Variants in ACAP2 observed in about 807,000 individuals in gnomAD.
The protein encoded by ACAP2 is ArfGAP with coiled-coil, ankyrin repeat and PH domains 2.
Under a neutral mutation model 115.8 loss-of-function variants are expected in ACAP2, and 39 were observed. The ratio of observed to expected loss-of-function variants is 0.34; its 90% CI spans 0.26 to 0.44. ACAP2 has a LOEUF of 0.44. Among genes scored for constraint, ACAP2 ranks in the 20% least tolerant of loss-of-function variants. The pLI is 1.00. For synonymous variants in ACAP2, 289 were observed against 315.8 expected (o/e 0.92, Z 0.90); for missense variants, 662 against 927.6 (o/e 0.71, Z 3.72).
At chr3:195,320,287 T>A (rs551599060) in intron 10 of ACAP2, among the ~76,000 whole-genome samples, 2 of 152,138 alleles carry the variant, frequency 1.3e-5, no homozygotes, top group Non-Finnish European at 2.9e-5. Flanking sequence ...ATAAACATCA[T>A]ATAGAGGAGA....
At chr3:195,291,091 C>A (rs1002826757) in intron 20 of ACAP2, among the ~76,000 whole-genome samples, 1 of 152,046 alleles carries the variant, frequency 6.6e-6, no homozygotes, top group Non-Finnish European at 1.5e-5. Flanking sequence ...TAATCGGATA[C>A]CCTGAGATAT....
At position 195,353,438 on chromosome 3, in the gene ACAP2, G is replaced by A. The variant is rs1196411840; in HGVS notation, c.286-8121C>T. Among the ~76,000 whole-genome samples, 4 of 152,306 alleles carry A rather than the reference G, an allele frequency of 2.6e-5. 1 individual carries two copies. In the East Asian group the frequency reaches 7.7e-4, roughly 29 times the overall value. On this transcript the variant is annotated intron_variant, in intron 4 of 22. Transcript: ENST00000326793. ...AATCCATACAATGCAATCGTATTGA[G>A]CAATAAAAAGGGAATGAAGGACTGA...
chr3:195,329,335 G>A (rs572510953), intron 8 of ACAP2, among the ~76,000 whole-genome samples: 12 of 152,156 alleles, frequency 7.9e-5, no homozygotes, highest in Non-Finnish European at 1.6e-4. Flanking sequence ...TGTTAGTACT[G>A]GACATTATCA....
intron 1 of ACAP2, among the ~76,000 whole-genome samples, chr3:195,425,919 G>A (rs760960849): frequency 8.5e-4 from 129 of 152,088 alleles, no homozygotes; most frequent in Non-Finnish European, 1.4e-3. Flanking sequence ...GGCTTCCTGC[G>A]TGGTCTCTTT....
chr3:195,414,347 G>C (rs1713540286), intron 1 of ACAP2, among the ~76,000 whole-genome samples: 1 of 152,172 alleles, frequency 6.6e-6, no homozygotes, highest in African/African-American at 2.4e-5. Context: ...GAGTTAATGT[G>C]ATCCTCCTGC....
chr3:195,322,451 C>T (rs1391145801), intron 9 of ACAP2, among the ~76,000 whole-genome samples: 2 of 151,976 alleles, frequency 1.3e-5, no homozygotes, highest in Non-Finnish European at 2.9e-5. Flanking sequence ...AGGAAACAGA[C>T]TAAATTCAGA....
intron 4 of ACAP2, among the ~76,000 whole-genome samples, chr3:195,352,950 G>A (rs369314994): frequency 6.6e-6 from 1 of 151,890 alleles, no homozygotes; most frequent in South Asian, 2.1e-4. Context: ...GTGTGGTGGC[G>A]CACATCTGTA....
Position 195,442,908 on chromosome 3 carries a change from T to C in ACAP2, c.-61A>G. 9.0e-6 allele frequency: 13 copies of C among 1,444,100 alleles called. No homozygotes were observed. The highest frequency in any genetic ancestry group is 1.0e-5 in the Non-Finnish European group (11 of 1,084,842). The allele number at this position is 1,444,100 out of a possible 1,614,324, so 89.5% of individuals were successfully genotyped here. A position where few individuals can be genotyped will look rare whatever the true frequency, so the allele number is the denominator to read the frequency against. On this transcript the variant is annotated 5_prime_UTR_variant, in exon 1 of 23. Transcript: ENST00000326793. Reference sequence around the variant, plus strand: ...GAGGGGGCCGCGGGAGCGGCCGCGCTGGGACGCAGACGGCTACGGCGGGCG... The same window carrying C: ...GAGGGGGCCGCGGGAGCGGCCGCGCCGGGACGCAGACGGCTACGGCGGGCG...
At chr3:195,368,453 A>C (rs1407889071) in intron 4 of ACAP2, among the ~76,000 whole-genome samples, 1 of 152,030 alleles carries the variant, frequency 6.6e-6, no homozygotes, top group Non-Finnish European at 1.5e-5. Context: ...CTGTTTGTTA[A>C]ATTTCTGAAT....
intron 1 of ACAP2, among the ~76,000 whole-genome samples, chr3:195,429,004 A>C (rs1714902874): frequency 6.6e-6 from 1 of 152,224 alleles, no homozygotes; most frequent in Non-Finnish European, 1.5e-5. Context: ...ATTCACAATG[A>C]TCAAACAATG....
chr3:195,300,931 T>A (rs1728005057), intron 15 of ACAP2, among the ~76,000 whole-genome samples: 1 of 152,222 alleles, frequency 6.6e-6, no homozygotes, highest in Admixed American at 6.5e-5. Context: ...AGCACGAGGA[T>A]TCTTTGAGCC....
chr3:195,380,629 G>T (rs192249969), intron 4 of ACAP2, among the ~76,000 whole-genome samples: 2 of 152,018 alleles, frequency 1.3e-5, no homozygotes, highest in African/African-American at 4.8e-5. Context: ...GGAATATATT[G>T]GTAAGTATCT....
intron 5 of ACAP2, among the ~76,000 whole-genome samples, chr3:195,344,062 A>T (rs116457837): frequency 0.013 from 1,969 of 152,242 alleles, 33 homozygotes; most frequent in African/African-American, 0.043. Flanking sequence ...AAAAAATAAA[A>T]GATAAATTAG....
intron 1 of ACAP2, among the ~76,000 whole-genome samples, chr3:195,408,896 T>C (rs1338000295): frequency 6.6e-6 from 1 of 152,090 alleles, no homozygotes; most frequent in Non-Finnish European, 1.5e-5. Context: ...GACAAAATTC[T>C]TTTTTTCATG....
chr3:195,387,287 C>T (rs986593126), intron 2 of ACAP2, among the ~76,000 whole-genome samples: 6 of 152,140 alleles, frequency 3.9e-5, no homozygotes, highest in African/African-American at 1.4e-4. Context: ...AAACTAATAT[C>T]CCTAATTCAT....
In ACAP2 at chr3:195,385,289, A is replaced by G. The variant is rs113529938; in HGVS notation, c.112-3267T>C. On this transcript the variant is annotated intron_variant, in intron 2 of 22. Transcript: ENST00000326793. ...ATTCTTAGCACAAACTTACTGGCAC[A>G]TGGTAATTATTCAATAGAGATTTGT... Among the ~76,000 whole-genome samples, 703 of 151,490 alleles carry G rather than the reference A, an allele frequency of 4.6e-3. 5 individuals carry two copies. The highest frequency in any genetic ancestry group is 0.016 in the African/African-American group (664 of 41,270).
intron 2 of ACAP2, among the ~76,000 whole-genome samples, chr3:195,390,979 C>T (rs1342799780): frequency 2.0e-5 from 3 of 151,968 alleles, no homozygotes; most frequent in Non-Finnish European, 4.4e-5. Context: ...AAAAAATCAT[C>T]AATAATATAG....
chr3:195,382,568 CT>C (rs1172957134), intron 2 of ACAP2, among the ~76,000 whole-genome samples: 1 of 151,296 alleles, frequency 6.6e-6, no homozygotes, highest in Non-Finnish European at 1.5e-5. Flanking sequence ...AGAACATTTT[CT>C]TTTACCAAAA....
At chr3:195,400,034 C>T (rs1475856883) in intron 1 of ACAP2, among the ~76,000 whole-genome samples, 1 of 151,574 alleles carries the variant, frequency 6.6e-6, no homozygotes, top group Admixed American at 6.6e-5. Flanking sequence ...CAAAATTAGC[C>T]GGGTATGGTG....
Sources: gnomAD v4.1 joint callset for allele counts (sites outside exome capture counted in the v4.1 genomes callset) on GRCh38, gnomAD v4.1.1 for gene constraint, MANE v1.5 for transcripts, NCBI Gene and HGNC (gene_info 2026-07-23, HGNC 2026-07-21) for gene names.